PTPN18: variants seen among roughly 807,000 people sequenced by gnomAD.
PTPN18 encodes the protein tyrosine-protein phosphatase non-receptor type 18.
In PTPN18, 65 loss-of-function variants were observed where a neutral mutation model predicts 65.4. That is an observed-to-expected ratio of 0.99 (90% CI 0.81 to 1.22). PTPN18 has a LOEUF of 1.22. Ranked by LOEUF, PTPN18 falls within the 50% of genes most tolerant of loss-of-function variation. The pLI, the probability that PTPN18 is intolerant of heterozygous loss-of-function variation, is 0.00. For synonymous variants in PTPN18, 255 were observed against 267.8 expected (o/e 0.95, Z 0.47); for missense variants, 616 against 646.5 (o/e 0.95, Z 0.51).
At chr2:130,361,512 CTCTTTCTTTCTTTCTTTCTTTCTTTCTT>C (rs70994707) in intron 5 of PTPN18, among the ~76,000 whole-genome samples, 6 of 122,850 alleles carry the variant, frequency 4.9e-5, no homozygotes, top group South Asian at 2.8e-4. Flanking sequence ...TCTTTTCTTT[CTCTTTCTTTCTTTCTTTCTTTCTTTCTT>C]TCTTTCTTTC....
intron 1 of PTPN18, chr2:130,356,691 G>A: frequency 2.2e-6 from 1 of 455,124 alleles, no homozygotes. Context: ...GTCCGGGCCC[G>A]AATCCGCTTC....
chr2:130,361,566 C>CTTTCTTTCTTT (rs1281628439), intron 5 of PTPN18, among the ~76,000 whole-genome samples: 1 of 67,104 alleles, frequency 1.5e-5, no homozygotes, highest in African/African-American at 8.4e-5. Flanking sequence ...TTCTTTCTTT[C>CTTTCTTTCTTT]CTTTCTTTCC....
rs1680090325 is a variant in PTPN18 at position 130,358,936 on chromosome 2, G to C, written c.163G>C (p.Glu55Gln). 1 of 1,614,090 alleles carries C rather than the reference G, an allele frequency of 6.2e-7. No homozygotes were observed. Among genetic ancestry groups the C allele is most frequent in the African/African-American group, 1.3e-5 (1 of 74,946 alleles). The change falls in exon 2 of 15, where the codon GAG (glutamate) becomes CAG (glutamine). Residue 55 changes from glutamate (E) to glutamine (Q), a missense_variant. Physicochemically the swap from Glu to Gln is conservative, Grantham distance 29. Around this residue, in one of 3 missense-constraint regions of PTPN18, gnomAD observed 223 missense variants for 210.0 expected, o/e 1.06. Coordinates refer to ENST00000175756, the MANE Select transcript of PTPN18 (RefSeq NM_014369.4). ...VCSTVAGSRP[E>Q]NVRKNRYKDV... is the part of the protein sequence containing the mutation. ...CTCCACCGTGGCCGGCAGTCGGCCAGAGAACGTGAGGAAGAACCGCTACAA... is the reference window on the plus strand; with the variant it reads ...CTCCACCGTGGCCGGCAGTCGGCCACAGAACGTGAGGAAGAACCGCTACAA...
At chr2:130,369,636 A>G in intron 6 of PTPN18, 129 bp from the exon 7 acceptor site, 1 of 1,001,478 alleles carries the variant, frequency 1.0e-6, no homozygotes, top group Non-Finnish European at 1.4e-6. Flanking sequence ...TTTGGGCTAT[A>G]TGAATTTTTA....
chr2:130,356,722 G>A, intron 1 of PTPN18: 1 of 435,638 alleles, frequency 2.3e-6, no homozygotes, highest in South Asian at 1.7e-5. Context: ...TCCGCGTCCC[G>A]GCCATCCGCG....
In PTPN18 at chr2:130,360,102, A is replaced by G. The variant is rs1189237179; in HGVS notation, c.414+456A>G. 2.0e-5 allele frequency among the ~76,000 whole-genome samples: 3 copies of G among 152,226 alleles called. 1 individual carries two copies. The South Asian group carries it at 6.2e-4, about 32-fold the overall frequency. The stretch of plus-strand genomic sequence containing the variant: ...TCTTTGCTCAAATGGTAATTCCTCA[A>G]TGAGACCTTCCGGGGTGGGTCTTCA... On this transcript the variant is annotated intron_variant, in intron 5 of 14. Coordinates refer to ENST00000175756, the MANE Select transcript of PTPN18 (RefSeq NM_014369.4).
At position 130,373,246 on chromosome 2, in the gene PTPN18, G is replaced by T; in HGVS notation, c.*22G>T. On this transcript the variant is annotated 3_prime_UTR_variant, in exon 15 of 15. Transcript: ENST00000175756. This position sits in a 1 kb window ranked among gnomAD's most constrained non-coding sequence, Gnocchi z 4.1. ...GTAAGTCTAACGCCAGTTCCTGCCT[G>T]TTGCCTCTTGTGAGCTCGGACTGCT... 1 of 1,558,884 alleles carries T rather than the reference G, an allele frequency of 6.4e-7. No homozygotes were observed. The highest frequency in any genetic ancestry group is 8.7e-7 in the Non-Finnish European group (1 of 1,154,750).
chr2:130,356,643 T>A (rs1379064916), intron 1 of PTPN18: 3 of 470,462 alleles, frequency 6.4e-6, no homozygotes, highest in Non-Finnish European at 8.8e-6. Flanking sequence ...ACGGAGGCTG[T>A]GGCGTGGTGA....
rs1325002147 is a variant in PTPN18, at chr2:130,369,153, G to A, written c.435G>A (p.Trp145Ter). The change falls in exon 6 of 15, where the codon TGG (tryptophan) becomes TGA (stop). Residue 145 changes from tryptophan to a stop codon, truncating the protein, a stop_gained. Coordinates refer to ENST00000175756, the MANE Select transcript of PTPN18 (RefSeq NM_014369.4). LOFTEE classifies it high-confidence loss of function. ...ENGRKRCERY[W>*]AQEQEPLQTG... The stretch of plus-strand genomic sequence containing the variant: ...TGCAGAAAAGGTGTGAGCGGTACTG[G>A]GCCCAGGAGCAGGAGCCACTGCAGA... 4 of 1,613,212 alleles carry A rather than the reference G, an allele frequency of 2.5e-6. No homozygotes were observed. Among genetic ancestry groups the A allele is most frequent in the Middle Eastern group, 1.7e-4 (1 of 5,834 alleles).
intron 13 of PTPN18, 66 bp from the exon 14 acceptor site, chr2:130,372,807 A>G (rs1394518823): frequency 3.2e-6 from 5 of 1,540,448 alleles, no homozygotes; most frequent in Non-Finnish European, 4.5e-6. Flanking sequence ...CGTCCCCGCT[A>G]GGGGTGGGGT....
chr2:130,356,648 T>C (rs1276889074), intron 1 of PTPN18: 1 of 469,822 alleles, frequency 2.1e-6, no homozygotes, highest in East Asian at 7.0e-5. Context: ...GGCTGTGGCG[T>C]GGTGAGGGTG....
At position 130,371,349 on chromosome 2, in the gene PTPN18, C is replaced by T. The variant is rs1208711082; in HGVS notation, c.1013+62C>T. ...TTTCTCAGGCTAACCCCTTCTTCAT[C>T]CTTGGAACACCAGTCCGTTCCTTGT... is the stretch of plus-strand genomic sequence containing the variant. On this transcript the variant is annotated intron_variant, in intron 12 of 14. Coordinates refer to ENST00000175756, the MANE Select transcript of PTPN18 (RefSeq NM_014369.4). 1.0e-5 allele frequency: 14 copies of T among 1,354,834 alleles called. No individual in the cohort carries two copies. In the East Asian group the frequency reaches 2.6e-4, roughly 25 times the overall value. The allele number at this position is 1,354,834 out of a possible 1,614,324, so 83.9% of individuals were successfully genotyped here.
At position 130,372,349 on chromosome 2, in the gene PTPN18, GGACGCA is replaced by G. The variant is rs763428383; in HGVS notation, c.1111_1116del (p.Gln371_Thr372del). ...GGGGCTCCAGCGGGCGCCGGGAGTG[GGACGCA>G]GACGGGGACGGGGACGGGGACGGGG... On this transcript the variant is annotated inframe_deletion, in exon 13 of 15. Coordinates refer to ENST00000175756, the MANE Select transcript of PTPN18 (RefSeq NM_014369.4). 5.0e-6 allele frequency: 7 copies of G among 1,388,904 alleles called. No homozygotes were observed. The highest frequency in any genetic ancestry group is 3.5e-5 in the African/African-American group (2 of 56,822). The allele number at this position is 1,388,904 out of a possible 1,614,324, so 86.0% of individuals were successfully genotyped here.
At chr2:130,364,002 GTC>G (rs1329160384) in intron 5 of PTPN18, among the ~76,000 whole-genome samples, 1 of 150,304 alleles carries the variant, frequency 6.7e-6, no homozygotes, top group African/African-American at 2.5e-5. Flanking sequence ...ATGCCATTGT[GTC>G]TTTCTTTAAA....
At chr2:130,364,976 AGAGG>A (rs1165498954) in intron 5 of PTPN18, among the ~76,000 whole-genome samples, 2 of 152,200 alleles carry the variant, frequency 1.3e-5, no homozygotes, top group Admixed American at 6.5e-5. Flanking sequence ...AGAGAGAGAG[AGAGG>A]GAGGGAGGGA....
intron 5 of PTPN18, among the ~76,000 whole-genome samples, chr2:130,364,136 C>T (rs900992145): frequency 2.0e-5 from 3 of 152,158 alleles, no homozygotes; most frequent in African/African-American, 7.2e-5. Flanking sequence ...TAAGTACATT[C>T]ACAATGGATT....
intron 5 of PTPN18, among the ~76,000 whole-genome samples, chr2:130,363,512 C>T (rs1229256009): frequency 6.6e-6 from 1 of 152,148 alleles, no homozygotes; most frequent in East Asian, 1.9e-4. Flanking sequence ...CCAGCAACCT[C>T]TACAGCCCCA....
In PTPN18 at chr2:130,361,530, CTTT is replaced by C. The variant is rs1680201608; in HGVS notation, c.414+1885_414+1887del. Among the ~76,000 whole-genome samples, 3 of 140,432 alleles carry C rather than the reference CTTT, an allele frequency of 2.1e-5. 1 individual carries two copies. The highest frequency in any genetic ancestry group is 8.4e-5 in the African/African-American group (3 of 35,692). 92.1% of individuals were successfully genotyped at this position (140,432 alleles called of 152,430 possible). A position where few individuals can be genotyped will look rare whatever the true frequency, so the allele number is the denominator to read the frequency against. On this transcript the variant is annotated intron_variant, in intron 5 of 14. Coordinates refer to ENST00000175756, the MANE Select transcript of PTPN18 (RefSeq NM_014369.4). ...TTTCTTTCTCTTTCTTTCTTTCTTT[CTTT>C]CTTTCTTTCTTTCTTTCTTTCTTTC...
chr2:130,368,722 C>A (rs1197630057), intron 5 of PTPN18, among the ~76,000 whole-genome samples: 1 of 152,168 alleles, frequency 6.6e-6, no homozygotes, highest in East Asian at 1.9e-4. Flanking sequence ...CTTTTGCCTC[C>A]TTGAGCCATG....
Sources: gnomAD v4.1 joint callset for allele counts (sites outside exome capture counted in the v4.1 genomes callset) on GRCh38, gnomAD v4.1.1 for gene constraint, gnomAD v4.1.1 regional missense constraint, Gnocchi (gnomAD v3.1) non-coding constraint, MANE v1.5 for transcripts, NCBI Gene and HGNC (gene_info 2026-07-23, HGNC 2026-07-21) for gene names.